The following PCDHA6 variants were observed in gnomAD, a reference collection of about 807,000 sequenced individuals.
PCDHA6 encodes the protein protocadherin alpha-6.
A neutral mutation model predicts 60.3 loss-of-function variants in PCDHA6; 55 were observed. The ratio of observed to expected loss-of-function variants is 0.91; its 90% CI spans 0.73 to 1.14. The LOEUF (loss-of-function observed/expected upper bound fraction) is 1.14, where lower values mean the gene tolerates loss of function less well. PCDHA6 is among the 50% of genes most tolerant of loss of function. The pLI is 0.00. For missense variants in PCDHA6, 1,327 were observed against 1,256.5 expected (o/e 1.06, Z -0.85); for synonymous variants, 652 against 557.9 (o/e 1.17, Z -2.38).
At chr5:140,973,324 C>T (rs1261856526) in intron 1 of PCDHA6, among the ~76,000 whole-genome samples, 4 of 152,174 alleles carry the variant, frequency 2.6e-5, no homozygotes, top group Admixed American at 1.3e-4. Context: ...ACAGAGTTTA[C>T]ACTCGTTGTA....
In PCDHA6 at chr5:140,850,223, AGT is replaced by A. The variant is rs2041441871; in HGVS notation, c.2394+19740_2394+19741del. The A allele has an allele frequency of 1.0e-5, 16 of 1,593,640 alleles. 2 individuals carry two copies. Among genetic ancestry groups the A allele is most frequent in the Non-Finnish European group, 1.2e-5 (14 of 1,167,580 alleles). ...CTCGGATGAGGGGCACTGACGGCGC[AGT>A]GAGCGAGATGGTGCTGCGGTCGGTG... On this transcript the variant is annotated intron_variant, in intron 1 of 3. Transcript: ENST00000529310.
intron 1 of PCDHA6, among the ~76,000 whole-genome samples, chr5:140,923,207 A>G (rs2081229144): frequency 6.6e-6 from 1 of 152,144 alleles, no homozygotes. Flanking sequence ...TGGGAGGCTA[A>G]GGTGAAAGGA....
At chr5:140,858,422 G>C in intron 1 of PCDHA6, 3 of 1,554,774 alleles carry the variant, frequency 1.9e-6, no homozygotes, top group Non-Finnish European at 2.6e-6. Flanking sequence ...TATTGGAGGG[G>C]ACCACTCTAG....
rs2150462323 is a variant in PCDHA6 at position 140,849,996 on chromosome 5, G to C, written c.2394+19511G>C. On this transcript the variant is annotated intron_variant, in intron 1 of 3. Transcript: ENST00000529310. ...CTCGCTGGTGGAGCGGCGGTTGGGCGAGCGCTCGCTGTCGAGCTACGTGTC... is the reference window on the plus strand; with the variant it reads ...CTCGCTGGTGGAGCGGCGGTTGGGCCAGCGCTCGCTGTCGAGCTACGTGTC... The C allele has an allele frequency of 0.011, 17,121 of 1,597,124 alleles. 2,348 individuals are homozygous for C. In the African/African-American group the frequency reaches 0.2, roughly 18 times the overall value.
At chr5:140,850,803 A>G in intron 1 of PCDHA6, 4 of 1,598,380 alleles carry the variant, frequency 2.5e-6, no homozygotes, top group Non-Finnish European at 3.4e-6. Context: ...GACCGACCTC[A>G]TGGCCTTCAG....
At chr5:140,943,356 A>G (rs965090658) in intron 1 of PCDHA6, among the ~76,000 whole-genome samples, 2 of 152,014 alleles carry the variant, frequency 1.3e-5, no homozygotes, top group Non-Finnish European at 2.9e-5. Flanking sequence ...GAGTAGAGGA[A>G]AGGAGATCAT....
At chr5:140,935,394 G>C (rs959098226) in intron 1 of PCDHA6, among the ~76,000 whole-genome samples, 2 of 152,088 alleles carry the variant, frequency 1.3e-5, no homozygotes, top group East Asian at 3.8e-4. Context: ...GTTATCCCAC[G>C]GGACTCAAAC....
rs921095598 is a variant in PCDHA6 at position 140,929,476 on chromosome 5, T to C, written c.2395-49473T>C. 1.0e-5 allele frequency: 13 copies of C among 1,254,174 alleles called. No individual in the cohort carries two copies. In the African/African-American group the frequency reaches 2.0e-4, roughly 19 times the overall value. 77.7% of individuals were successfully genotyped at this position (1,254,174 alleles called of 1,614,324 possible). On this transcript the variant is annotated intron_variant, in intron 1 of 3. Coordinates refer to ENST00000529310, the MANE Select transcript of PCDHA6 (RefSeq NM_018909.4). ...CTTCCTGTGCCAAGAAATCTGGAAG[T>C]ATAGAAGTATTAGAAGATTGCCCTA...
chr5:140,836,101 C>G lies in PCDHA6; in HGVS notation c.2394+5616C>G, dbSNP rs1554135618. On this transcript the variant is annotated intron_variant, in intron 1 of 3. Transcript: ENST00000529310. ...CTGCTGGCGCCTCGGGTGGGTGGCA[C>G]TGGTGGCGCAGTGAGAGAGCTTGTG... 8 of 1,613,594 alleles carry G rather than the reference C, an allele frequency of 5.0e-6. No individual in the cohort carries two copies. In the Admixed American group the frequency reaches 1.3e-4, roughly 27 times the overall value.
At chr5:140,857,294 A>G in intron 1 of PCDHA6, 2 of 1,598,576 alleles carry the variant, frequency 1.3e-6, no homozygotes, top group Non-Finnish European at 1.7e-6. Context: ...GGACCGCGAG[A>G]GGGTGTCGGC....
chr5:140,945,614 A>G lies in PCDHA6; in HGVS notation c.2395-33335A>G, dbSNP rs2093816394. Among the ~76,000 whole-genome samples the G allele has an allele frequency of 2.0e-5, 3 of 152,278 alleles. No homozygotes were observed. The South Asian group carries it at 6.2e-4, about 32-fold the overall frequency. ...TCAAAGCTATAATAATCAAAACAGC[A>G]TGGTACTGGCATAAAAGACATGTAG... On this transcript the variant is annotated intron_variant, in intron 1 of 3. Coordinates refer to ENST00000529310, the MANE Select transcript of PCDHA6 (RefSeq NM_018909.4).
At chr5:140,876,292 A>G in intron 1 of PCDHA6, 1 of 1,614,080 alleles carries the variant, frequency 6.2e-7, no homozygotes, top group Non-Finnish European at 8.5e-7. Context: ...CGAAGGACTT[A>G]ATGGAGAAAT....
chr5:140,875,506 C>A, intron 1 of PCDHA6: 1 of 1,613,618 alleles, frequency 6.2e-7, no homozygotes, highest in Non-Finnish European at 8.5e-7. Flanking sequence ...CCCGGGATCC[C>A]AGCGTCTGCT....
chr5:140,833,355 A>T (rs1008230384), intron 1 of PCDHA6, among the ~76,000 whole-genome samples: 7 of 152,200 alleles, frequency 4.6e-5, no homozygotes, highest in Non-Finnish European at 1.5e-5. Flanking sequence ...CAGAAAACGA[A>T]CACAGTAAGG....
At chr5:140,954,591 G>A (rs951330274) in intron 1 of PCDHA6, among the ~76,000 whole-genome samples, 3 of 152,062 alleles carry the variant, frequency 2.0e-5, no homozygotes, top group Non-Finnish European at 2.9e-5. Context: ...GTCTGTTCAT[G>A]TTCTTTGCCC....
chr5:140,869,189 G>T (rs1554162601), intron 1 of PCDHA6: 1 of 1,613,836 alleles, frequency 6.2e-7, no homozygotes, highest in African/African-American at 1.3e-5. Flanking sequence ...GTGGGGAGCG[G>T]CCAGCTCCAC....
At chr5:140,920,415 G>A (rs1229102806) in intron 1 of PCDHA6, among the ~76,000 whole-genome samples, 4 of 152,002 alleles carry the variant, frequency 2.6e-5, no homozygotes, top group Non-Finnish European at 5.9e-5. Flanking sequence ...ATCAGATACA[G>A]CTGTTCTCCC....
intron 1 of PCDHA6, among the ~76,000 whole-genome samples, chr5:140,977,448 C>G (rs1265708365): frequency 6.6e-6 from 1 of 152,212 alleles, no homozygotes; most frequent in African/African-American, 2.4e-5. Flanking sequence ...ATAATGGAAA[C>G]TCCTTTGATT....
intron 1 of PCDHA6, chr5:140,870,601 G>A (rs1554164453): frequency 1.2e-6 from 2 of 1,613,228 alleles, no homozygotes; most frequent in Admixed American, 1.7e-5. Context: ...GCGGTTGGGC[G>A]ACCGCGCGCT....
Sources: gnomAD v4.1 joint callset for allele counts (sites outside exome capture counted in the v4.1 genomes callset) on GRCh38, gnomAD v4.1.1 for gene constraint, MANE v1.5 for transcripts, NCBI Gene and HGNC (gene_info 2026-07-23, HGNC 2026-07-21) for gene names.